Variants in CELF4 observed in about 807,000 individuals in gnomAD.
The protein encoded by CELF4 is CUGBP Elav-like family member 4, also known as CUG-BP- and ETR-3-like factor 4.
CELF4 carries 18 observed loss-of-function variants against 59.9 expected under a neutral mutation model. The observed-to-expected ratio is 0.30, with a 90% CI of 0.21 to 0.45. The LOEUF is 0.45. CELF4 is among the 20% of genes least tolerant of loss of function. The pLI, the probability that CELF4 is intolerant of heterozygous loss-of-function variation, is 1.00. For synonymous variants in CELF4, 261 were observed against 267.1 expected, an observed-to-expected ratio of 0.98 and a Z score of 0.22; for missense variants, 456 against 689.0, an observed-to-expected ratio of 0.66 and a Z score of 3.79.
intron 1 of CELF4, among the ~76,000 whole-genome samples, chr18:37,526,434 C>G (rs2099963886): frequency 6.6e-6 from 1 of 152,176 alleles, no homozygotes. Flanking sequence ...CTAGTGACTT[C>G]CTCTTCTTCC....
intron 2 of CELF4, among the ~76,000 whole-genome samples, chr18:37,470,006 C>T (rs1283203944): frequency 1.3e-5 from 2 of 152,156 alleles, no homozygotes; most frequent in Non-Finnish European, 2.9e-5. Context: ...TCAAGCCCAT[C>T]AGGAAAGGCT....
intron 2 of CELF4, among the ~76,000 whole-genome samples, chr18:37,373,426 C>T (rs533404896): frequency 5.3e-4 from 80 of 152,290 alleles, no homozygotes; most frequent in Middle Eastern, 3.4e-3. Context: ...AGACCCTGGA[C>T]GGTGGGGCAC....
At chr18:37,336,340 C>T (rs746768370) in intron 2 of CELF4, among the ~76,000 whole-genome samples, 4 of 152,202 alleles carry the variant, frequency 2.6e-5, no homozygotes, top group Middle Eastern at 3.2e-3. Flanking sequence ...TGTACCTCCA[C>T]GCCCAGCTAA....
At chr18:37,248,462 A>C (rs1400122808) in intron 12 of CELF4, among the ~76,000 whole-genome samples, 3 of 151,962 alleles carry the variant, frequency 2.0e-5, no homozygotes, top group African/African-American at 7.3e-5. Context: ...GGCCATGTGC[A>C]AGGCTGGAGG....
rs563381514 is a variant in CELF4 at position 37,413,253 on chromosome 18, C to T, written c.369+72272G>A. Reference sequence around the variant, plus strand: ...ATGTCTGTGTGTCTGCGTGTGTTCACGTGTGGGTGGACATGTGTGTTTTAA... The same window carrying T: ...ATGTCTGTGTGTCTGCGTGTGTTCATGTGTGGGTGGACATGTGTGTTTTAA... On this transcript the variant is annotated intron_variant, in intron 2 of 12. Coordinates refer to ENST00000420428, the MANE Select transcript of CELF4 (RefSeq NM_020180.4). Among the ~76,000 whole-genome samples, 14 of 152,214 alleles carry T rather than the reference C, an allele frequency of 9.2e-5. No individual in the cohort carries two copies. The South Asian group carries it at 1.2e-3, about 14-fold the overall frequency.
In CELF4 at chr18:37,435,100, G is replaced by T. The variant is rs987779543; in HGVS notation, c.369+50425C>A. ...CTGGGCTTCCCTGGGTTCCCCTTTG[G>T]GGGTAGAGAACCCAGGGAAAGGTGA... On this transcript the variant is annotated intron_variant, in intron 2 of 12. Coordinates refer to ENST00000420428, the MANE Select transcript of CELF4 (RefSeq NM_020180.4). Among the ~76,000 whole-genome samples the T allele has an allele frequency of 1.5e-4, 23 of 152,072 alleles. 1 individual carries two copies. The highest frequency in any genetic ancestry group is 1.0e-3 in the South Asian group (5 of 4,814).
intron 1 of CELF4, among the ~76,000 whole-genome samples, chr18:37,543,569 A>C (rs2099979264): frequency 6.6e-6 from 1 of 152,134 alleles, no homozygotes; most frequent in Non-Finnish European, 1.5e-5. Context: ...CACTGGGCAC[A>C]GTGTGGGTGA....
chr18:37,314,388 G>A (rs1357968325), intron 3 of CELF4, among the ~76,000 whole-genome samples: 1 of 152,186 alleles, frequency 6.6e-6, no homozygotes, highest in Non-Finnish European at 1.5e-5. Context: ...CTGGGAGGTG[G>A]AGGTTGCAGT....
At chr18:37,452,735 T>G (rs1219802729) in intron 2 of CELF4, among the ~76,000 whole-genome samples, 4 of 152,168 alleles carry the variant, frequency 2.6e-5, no homozygotes, top group Non-Finnish European at 5.9e-5. Flanking sequence ...AGTAAAGGTG[T>G]GAAATATGAG....
At chr18:37,498,898 C>T (rs968760890) in intron 1 of CELF4, among the ~76,000 whole-genome samples, 1 of 152,138 alleles carries the variant, frequency 6.6e-6, no homozygotes, top group African/African-American at 2.4e-5. Context: ...CACTCACCTG[C>T]TGGGGTCCTG....
At chr18:37,554,290 C>T (rs1240172101) in intron 1 of CELF4, among the ~76,000 whole-genome samples, 3 of 152,128 alleles carry the variant, frequency 2.0e-5, no homozygotes, top group African/African-American at 4.8e-5. Flanking sequence ...CTCTTTGTCC[C>T]GCAGGCTGGA....
chr18:37,379,507 C>CA (rs56250210), intron 2 of CELF4, among the ~76,000 whole-genome samples: 6,083 of 45,762 alleles, frequency 0.13, 872 homozygotes, highest in East Asian at 0.2. Context: ...AGGCCATAAG[C>CA]AAAAAAAAAA....
At chr18:37,476,378 C>A (rs1034542872) in intron 2 of CELF4, among the ~76,000 whole-genome samples, 1 of 152,238 alleles carries the variant, frequency 6.6e-6, no homozygotes, top group Non-Finnish European at 1.5e-5. Flanking sequence ...ATGCCACCCA[C>A]ATGGCGCCCC....
intron 2 of CELF4, among the ~76,000 whole-genome samples, chr18:37,428,298 G>T (rs2099626713): frequency 1.3e-5 from 2 of 152,172 alleles, no homozygotes; most frequent in Non-Finnish European, 2.9e-5. Flanking sequence ...TGCATGGAGA[G>T]GTGAAGGAGG....
chr18:37,506,021 G>T (rs1364227891), intron 1 of CELF4, among the ~76,000 whole-genome samples: 1 of 152,098 alleles, frequency 6.6e-6, no homozygotes, highest in African/African-American at 2.4e-5. Context: ...TAGTGGGTAG[G>T]AGCTGCCATT....
At chr18:37,521,481 G>A (rs1240607679) in intron 1 of CELF4, among the ~76,000 whole-genome samples, 1 of 151,818 alleles carries the variant, frequency 6.6e-6, no homozygotes, top group Non-Finnish European at 1.5e-5. Flanking sequence ...TCTACAATGC[G>A]GTCTTATAAT....
intron 1 of CELF4, among the ~76,000 whole-genome samples, chr18:37,509,793 TA>T (rs1317343134): frequency 1.3e-5 from 2 of 152,176 alleles, no homozygotes; most frequent in African/African-American, 4.8e-5. Context: ...ATAAACAAAA[TA>T]TGGTATATCC....
chr18:37,456,496 T>G (rs1025548806), intron 2 of CELF4, among the ~76,000 whole-genome samples: 2 of 152,118 alleles, frequency 1.3e-5, no homozygotes, highest in Admixed American at 1.3e-4. Flanking sequence ...CAGCGTGTAG[T>G]CCCAAAGGGG....
intron 2 of CELF4, among the ~76,000 whole-genome samples, chr18:37,439,423 G>A (rs1263707036): frequency 6.6e-6 from 1 of 152,166 alleles, no homozygotes; most frequent in Non-Finnish European, 1.5e-5. Flanking sequence ...ATGCATGTGT[G>A]TGTGTGCATG....
Sources: gnomAD v4.1 joint callset for allele counts (sites outside exome capture counted in the v4.1 genomes callset) on GRCh38, gnomAD v4.1.1 for gene constraint, MANE v1.5 for transcripts, NCBI Gene and HGNC (gene_info 2026-07-23, HGNC 2026-07-21) for gene names.